The following PCM1 variants were observed in gnomAD, a reference collection of about 807,000 sequenced individuals.
PCM1 encodes the protein pericentriolar material 1 protein.
In PCM1, 157 loss-of-function variants were observed where a neutral mutation model predicts 241.9. The ratio of observed to expected loss-of-function variants is 0.65; its 90% CI spans 0.57 to 0.74. PCM1 has a LOEUF of 0.74. PCM1 is among the 30% of genes least tolerant of loss of function. The pLI is 0.00. For synonymous variants in PCM1, 1,085 were observed against 784.9 expected (o/e 1.38, Z -6.39); for missense variants, 3,478 against 2,360.1 (o/e 1.47, Z -9.81).
chr8:18,027,334 C>CTGTT (rs1429637746), intron 38 of PCM1, among the ~76,000 whole-genome samples: 4 of 152,194 alleles, frequency 2.6e-5, no homozygotes, highest in East Asian at 1.9e-4. Context: ...ATCCCCTCTT[C>CTGTT]TGTTTTCTCA....
At chr8:18,018,699 T>TACTC (rs1295694005) in intron 36 of PCM1, among the ~76,000 whole-genome samples, 1 of 151,206 alleles carries the variant, frequency 6.6e-6, no homozygotes, top group Non-Finnish European at 1.5e-5. Flanking sequence ...TAGTCCTAGC[T>TACTC]ACTCAGGAGA....
In PCM1 at chr8:17,938,754, T is replaced by C. The variant is rs1328633132; in HGVS notation, c.357T>C (p.Ser119=). 6.2e-7 allele frequency: 1 copy of C among 1,610,940 alleles called. No homozygotes were observed. Among genetic ancestry groups the C allele is most frequent in the Admixed American group, 1.7e-5 (1 of 59,982 alleles). The change falls in exon 5 of 39, where the codon AGT becomes AGC. Residue 119 remains serine, a synonymous_variant. Transcript: ENST00000325083. The stretch of plus-strand genomic sequence containing the variant: ...TTCATATATAGAGAAGCATTGGAAG[T>C]GATTCCCAAGGTAGAGCAACAGCTG... ...FSDLDQRSIG[S]DSQGRATAAN...
chr8:17,949,347 A>G (rs1463382740), intron 7 of PCM1, among the ~76,000 whole-genome samples: 1 of 152,128 alleles, frequency 6.6e-6, no homozygotes, highest in Non-Finnish European at 1.5e-5. Context: ...CAAGTTACAT[A>G]TAATTACTGT....
At chr8:17,964,994 A>G (rs1404457925) in intron 18 of PCM1, among the ~76,000 whole-genome samples, 1 of 152,056 alleles carries the variant, frequency 6.6e-6, no homozygotes, top group African/African-American at 2.4e-5. Flanking sequence ...TCCCCACGTT[A>G]CCCACACTTC....
intron 28 of PCM1, among the ~76,000 whole-genome samples, chr8:17,992,954 C>T (rs866398934): frequency 0.022 from 1,320 of 58,908 alleles, 8 homozygotes; most frequent in Non-Finnish European, 0.043. Context: ...TTTTTTTTTT[C>T]CTGATTTGTT....
At chr8:17,946,239 C>A (rs2063723073) in intron 6 of PCM1, among the ~76,000 whole-genome samples, 2 of 152,030 alleles carry the variant, frequency 1.3e-5, no homozygotes, top group Admixed American at 6.6e-5. Context: ...GTAGTTACTT[C>A]CATTTTATGT....
rs1221586309 is a variant in PCM1, at chr8:17,934,078, A to G, written c.-22-1511A>G. On this transcript the variant is annotated intron_variant, in intron 2 of 38. Transcript: ENST00000325083. ...ATTTTGAGATAAAATTTAATTTGCT[A>G]TATAATTTGTTAAAGTAATATGTTA... 4.6e-5 allele frequency among the ~76,000 whole-genome samples: 7 copies of G among 152,074 alleles called. No individual in the cohort carries two copies. In the South Asian group the frequency reaches 1.0e-3, roughly 22 times the overall value.
chr8:17,973,709 C>G (rs1054302261), intron 23 of PCM1, among the ~76,000 whole-genome samples: 5 of 148,326 alleles, frequency 3.4e-5, no homozygotes, highest in Admixed American at 6.8e-5. Context: ...CAGAGCAAGT[C>G]TCTGTCAGAA....
intron 18 of PCM1, 67 bp downstream of exon 18, chr8:17,964,835 C>A: frequency 8.4e-7 from 1 of 1,194,898 alleles, no homozygotes; most frequent in Non-Finnish European, 1.2e-6. Flanking sequence ...TGACAGCAAG[C>A]ACTTCTGCAG....
intron 21 of PCM1, among the ~76,000 whole-genome samples, chr8:17,968,744 G>GTA (rs2075825652): frequency 1.7e-5 from 2 of 118,532 alleles, no homozygotes; most frequent in Non-Finnish European, 3.9e-5. Context: ...GTGTGTGTGT[G>GTA]TGTGTGTGTG....
chr8:17,953,768 A>G (rs1457515305), intron 9 of PCM1, among the ~76,000 whole-genome samples: 1 of 152,160 alleles, frequency 6.6e-6, no homozygotes, highest in Non-Finnish European at 1.5e-5. Context: ...CTTTGTCTAA[A>G]TCAGATCTAG....
At chr8:17,971,682 CT>C (rs1403020032) in intron 22 of PCM1, among the ~76,000 whole-genome samples, 1 of 152,184 alleles carries the variant, frequency 6.6e-6, no homozygotes, top group Non-Finnish European at 1.5e-5. Flanking sequence ...TGCTATAGCT[CT>C]TTTTGAGCCA....
At chr8:17,940,003 T>C in intron 6 of PCM1, 142 bp downstream of exon 6, 1 of 1,358,686 alleles carries the variant, frequency 7.4e-7, no homozygotes, top group Non-Finnish European at 1.0e-6. Flanking sequence ...TATTGCCCAT[T>C]TTAATAGTTG....
Position 17,967,088 on chromosome 8 carries a change from A to G in PCM1, c.3330A>G (p.Leu1110=). 1 of 1,608,718 alleles carries G rather than the reference A, an allele frequency of 6.2e-7. No individual in the cohort carries two copies. Among genetic ancestry groups the G allele is most frequent in the South Asian group, 1.1e-5 (1 of 89,888 alleles). The change falls in exon 21 of 39, where the codon TTA becomes TTG. Residue 1110 remains leucine, a synonymous_variant. Coordinates refer to ENST00000325083, the MANE Select transcript of PCM1 (RefSeq NM_006197.4). ...CATCGCACCCTCCTTCTCCCAGTTT[A>G]TTTTGTCCTTTCAGCTTTCCAACAC... The part of the protein sequence containing the change: ...SSASHPPSPS[L]FCPFSFPTQP...
At chr8:18,010,706 G>T in intron 32 of PCM1, 38 bp downstream of exon 32, 1 of 1,460,532 alleles carries the variant, frequency 6.8e-7, no homozygotes, top group Non-Finnish European at 9.4e-7. Flanking sequence ...AATATGGCTG[G>T]GCGCGGTGGC....
chr8:17,996,686 G>A (rs913456522), intron 29 of PCM1, among the ~76,000 whole-genome samples: 3 of 151,914 alleles, frequency 2.0e-5, no homozygotes, highest in African/African-American at 4.8e-5. Context: ...TCTGTTATAT[G>A]TATGTTTTTG....
At chr8:17,984,961 G>A (rs1268619755) in intron 24 of PCM1, among the ~76,000 whole-genome samples, 1 of 151,876 alleles carries the variant, frequency 6.6e-6, no homozygotes, top group African/African-American at 2.4e-5. Context: ...TTGATAATTA[G>A]TAGACTATAC....
At chr8:17,976,876 T>G (rs2078963379) in intron 23 of PCM1, among the ~76,000 whole-genome samples, 1 of 152,154 alleles carries the variant, frequency 6.6e-6, no homozygotes, top group Admixed American at 6.5e-5. Flanking sequence ...CAGTTTTTTT[T>G]TTTTCTCTTT....
chr8:17,969,508 C>CT, intron 21 of PCM1, 69 bp from the exon 22 acceptor site: 1 of 1,141,502 alleles, frequency 8.8e-7, no homozygotes, highest in Non-Finnish European at 1.3e-6. Flanking sequence ...TTAAAACTGT[C>CT]TTTTAATTTC....
Sources: gnomAD v4.1 joint callset for allele counts (sites outside exome capture counted in the v4.1 genomes callset) on GRCh38, gnomAD v4.1.1 for gene constraint, MANE v1.5 for transcripts, NCBI Gene and HGNC (gene_info 2026-07-23, HGNC 2026-07-21) for gene names.